The following HKDC1 variants were observed in gnomAD, a reference collection of about 807,000 sequenced individuals.
The protein encoded by HKDC1 is hexokinase domain containing 1, also known as hexokinase HKDC1.
In HKDC1, 66 loss-of-function variants were observed where a neutral mutation model predicts 96.6. The observed-to-expected ratio is 0.68, with a 90% CI of 0.56 to 0.84. HKDC1 has a LOEUF of 0.84. HKDC1 is among the 40% of genes least tolerant of loss of function. HKDC1 has a pLI of 0.00. For synonymous variants in HKDC1, 466 were observed against 473.1 expected (o/e 0.98, Z 0.20); for missense variants, 1,211 against 1,208.1 (o/e 1.00, Z -0.04).
Position 69,246,177 on chromosome 10 carries a change from C to A in HKDC1, c.974C>A (p.Ser325Tyr). The change falls in exon 8 of 18, where the codon TCT becomes TAT. Residue 325 changes from serine (S) to tyrosine (Y), a missense_variant. Transcript: ENST00000354624. ...KAGLLFGGEK[S>Y]SALHTKGKIE... ...GGCCTCCTGTTTGGTGGTGAGAAAT[C>A]TTCTGCTCTCCACACTAAGGGCAAG... The A allele has an allele frequency of 6.2e-7, 1 of 1,614,198 alleles. No individual in the cohort carries two copies. The highest frequency in any genetic ancestry group is 8.5e-7 in the Non-Finnish European group (1 of 1,180,032).
At position 69,220,490 on chromosome 10, in the gene HKDC1, A is replaced by G. The variant is rs773389361; in HGVS notation, c.55A>G (p.Ile19Val). 6.3e-7 allele frequency: 1 copy of G among 1,599,766 alleles called. No homozygotes were observed. The highest frequency in any genetic ancestry group is 8.5e-7 in the Non-Finnish European group (1 of 1,173,812). ...FYFSKLKEDQ[I>V]KKVDRFLYHM... ...CTTCAGCAAGCTGAAGGAGGACCAG[A>G]TCAAGAAGGTAAGGAGGACCCACGA... The change falls in exon 1 of 18, where the codon ATC becomes GTC. Residue 19 changes from isoleucine (I) to valine (V), a missense_variant. Transcript: ENST00000354624.
Position 69,261,248 on chromosome 10 carries a change from C to T in HKDC1, c.2326C>T (p.Arg776Trp), listed in dbSNP as rs143285779. The T allele has an allele frequency of 1.7e-4, 275 of 1,614,132 alleles. No individual in the cohort carries two copies. Among genetic ancestry groups the T allele is most frequent in the East Asian group, 1.2e-3 (54 of 44,880 alleles). Residue 776 changes from arginine to tryptophan, a missense_variant, in exon 16 of 18, where the codon CGG (arginine) becomes TGG (tryptophan). Physicochemically the swap from Arg to Trp is moderately radical, Grantham distance 101 (BLOSUM62 -3). Transcript: ENST00000354624. ...CCGAGGGCAGATTTCAGAGCGTCTC[C>T]GGACCAGGGGCATCTTCGAAACCAA... ...LFRGQISERL[R>W]TRGIFETKFL... is the part of the protein sequence containing the mutation.
rs1045495653 is a variant in HKDC1, at chr10:69,250,144, G to C, written c.1571-146G>C. 4 of 863,998 alleles carry C rather than the reference G, an allele frequency of 4.6e-6. No homozygotes were observed. In the African/African-American group the frequency reaches 6.7e-5, roughly 15 times the overall value. 53.5% of individuals were successfully genotyped at this position (863,998 alleles called of 1,614,324 possible). On this transcript the variant is annotated intron_variant, in intron 10 of 17. Coordinates refer to ENST00000354624, the MANE Select transcript of HKDC1 (RefSeq NM_025130.4). The stretch of plus-strand genomic sequence containing the variant: ...GATGCCTGCCCGGGGCCCGGGCACT[G>C]TGCAGGGTGGCCCCCACGACCCTCT...
intron 8 of HKDC1, 68 bp from the exon 9 acceptor site, chr10:69,247,292 C>G (rs1252641980): frequency 3.8e-6 from 4 of 1,057,150 alleles, no homozygotes; most frequent in Admixed American, 3.5e-5. Flanking sequence ...GGTGGAGAAG[C>G]TTGTTCCCCC....
Position 69,247,355 on chromosome 10 carries a change from G to A in HKDC1, c.1032-5G>A, listed in dbSNP as rs758752687. 1.1e-5 allele frequency: 18 copies of A among 1,605,722 alleles called. No homozygotes were observed. Among genetic ancestry groups the A allele is most frequent in the Non-Finnish European group, 1.5e-5 (18 of 1,172,456 alleles). ...GTCGTTCACTCATTCCTGTCCCCTG[G>A]CCAGGTATAAAGAAGGCCTTGCTAA... On this transcript the variant is annotated splice_polypyrimidine_tract_variant and splice_region_variant and intron_variant, in intron 8 of 17. Coordinates refer to ENST00000354624, the MANE Select transcript of HKDC1 (RefSeq NM_025130.4).
chr10:69,253,792 C>T (rs752466612), intron 12 of HKDC1, among the ~76,000 whole-genome samples: 15 of 152,174 alleles, frequency 9.9e-5, no homozygotes, highest in Non-Finnish European at 1.8e-4. Context: ...GACATCATAG[C>T]GGTGAATTCT....
intron 2 of HKDC1, among the ~76,000 whole-genome samples, chr10:69,228,283 C>T (rs1843194777): frequency 6.6e-6 from 1 of 152,156 alleles, no homozygotes; most frequent in Non-Finnish European, 1.5e-5. Flanking sequence ...TGCCTCCTTT[C>T]AACATTTAAA....
rs572585966 is a variant in HKDC1 at position 69,236,370 on chromosome 10, A to T, written c.496-2672A>T. Among the ~76,000 whole-genome samples the T allele has an allele frequency of 1.7e-3, 258 of 151,824 alleles. 1 individual carries two copies. Among genetic ancestry groups the T allele is most frequent in the African/African-American group, 5.9e-3 (245 of 41,460 alleles). ...AGATCCTCCCGCCTCAGCCTCCCAA[A>T]GTGCTGGGATTGCAGGCGTGGTGAG... On this transcript the variant is annotated intron_variant, in intron 4 of 17. Transcript: ENST00000354624.
chr10:69,254,321 A>AT (rs1013018162), intron 12 of HKDC1, among the ~76,000 whole-genome samples: 14 of 144,322 alleles, frequency 9.7e-5, no homozygotes, highest in African/African-American at 1.7e-4. Flanking sequence ...GAAAAAAAAA[A>AT]TTTTTTTAAC....
intron 14 of HKDC1, among the ~76,000 whole-genome samples, chr10:69,257,686 G>T (rs561044458): frequency 6.6e-5 from 8 of 121,428 alleles, no homozygotes; most frequent in African/African-American, 3.8e-4. Context: ...CAATTGTCAT[G>T]GGGGGGGGAA....
intron 4 of HKDC1, among the ~76,000 whole-genome samples, chr10:69,236,997 A>C (rs1390511991): frequency 6.6e-6 from 1 of 152,172 alleles, no homozygotes; most frequent in African/African-American, 2.4e-5. Context: ...GCTCTGCTGC[A>C]GGAGTGGGTT....
At chr10:69,234,352 G>A (rs1317364040) in intron 4 of HKDC1, among the ~76,000 whole-genome samples, 1 of 152,242 alleles carries the variant, frequency 6.6e-6, no homozygotes, top group Non-Finnish European at 1.5e-5. Context: ...AGGACAAATT[G>A]TGTCCCCTTG....
chr10:69,250,542 C>T lies in HKDC1; in HGVS notation c.1726C>T (p.His576Tyr), dbSNP rs779060687. The T allele has an allele frequency of 3.7e-6, 6 of 1,614,028 alleles. No individual in the cohort carries two copies. Among genetic ancestry groups the T allele is most frequent in the Non-Finnish European group, 5.1e-6 (6 of 1,180,040 alleles). The part of the protein sequence containing the change: ...MQGTGEELFD[H>Y]IVQCIADFLD... ...CTCTCTCTCTCTGCAGCTCTTTGAT[C>T]ACATTGTGCAGTGCATCGCCGACTT... The change falls in exon 12 of 18, where the codon CAC (histidine) becomes TAC (tyrosine). Residue 576 changes from histidine to tyrosine, a missense_variant. Coordinates refer to ENST00000354624, the MANE Select transcript of HKDC1 (RefSeq NM_025130.4).
intron 1 of HKDC1, among the ~76,000 whole-genome samples, chr10:69,225,489 T>C (rs1195900305): frequency 6.6e-6 from 1 of 152,132 alleles, no homozygotes; most frequent in East Asian, 1.9e-4. Context: ...GAAAGCTCAA[T>C]TGTCCTTTTT....
At chr10:69,266,543 A>G (rs1843901641) in intron 17 of HKDC1, 67 bp from the exon 18 acceptor site, 2 of 1,524,588 alleles carry the variant, frequency 1.3e-6, no homozygotes, top group Non-Finnish European at 1.8e-6. Flanking sequence ...AAATTAGATT[A>G]TGATCATTTA....
chr10:69,227,156 G>A, intron 1 of HKDC1, 51 bp from the exon 2 acceptor site: 1 of 1,603,898 alleles, frequency 6.2e-7, no homozygotes, highest in Non-Finnish European at 8.5e-7. Context: ...AGCCTCGACT[G>A]GAGGGTGAGG....
intron 6 of HKDC1, 72 bp downstream of exon 6, chr10:69,240,823 C>G (rs779665883): frequency 3.2e-5 from 38 of 1,169,522 alleles, no homozygotes; most frequent in Middle Eastern, 1.9e-4. Flanking sequence ...TCAGCGAGCT[C>G]TGAGTGAATT....
In HKDC1 at chr10:69,248,576, T is replaced by G. The variant is rs780674828; in HGVS notation, c.1418T>G (p.Val473Gly). 3.0e-5 allele frequency: 49 copies of G among 1,614,012 alleles called. No homozygotes were observed. The highest frequency in any genetic ancestry group is 4.2e-5 in the Non-Finnish European group (49 of 1,180,012). ...GCCCAGCGGAAGCAGATCGACAGGG[T>G]GCTGGCTTTGTTCCAGCTGACCCGA... Reference protein sequence around the residue: ...VQAQRKQIDRVLALFQLTREQ... With the variant: ...VQAQRKQIDRGLALFQLTREQ... Residue 473 changes from valine to glycine, a missense_variant, in exon 10 of 18, where the codon GTG (valine) becomes GGG (glycine). Val to Gly is a moderately radical substitution (Grantham distance 109). Transcript: ENST00000354624.
At chr10:69,247,647 C>T (rs2132358152) in intron 9 of HKDC1, 54 bp downstream of exon 9, 1 of 1,420,724 alleles carries the variant, frequency 7.0e-7, no homozygotes, top group Non-Finnish European at 9.8e-7. Context: ...TGGAGCAGGG[C>T]CCCAGTGTCT....
Sources: allele counts gnomAD v4.1 joint callset (sites outside exome capture counted in the v4.1 genomes callset), GRCh38; gene constraint gnomAD v4.1.1; transcripts MANE v1.5; gene names NCBI Gene and HGNC (gene_info 2026-07-23, HGNC 2026-07-21).